The following GOLM1 variants were observed in gnomAD, a reference collection of about 807,000 sequenced individuals.
The protein encoded by GOLM1 is golgi membrane protein 1, also known as epididymis luminal protein 46.
GOLM1 carries 31 observed loss-of-function variants against 50.5 expected under a neutral mutation model. The observed-to-expected ratio is 0.61, with a 90% CI of 0.46 to 0.83. The LOEUF (loss-of-function observed/expected upper bound fraction) is 0.83, where lower values mean the gene tolerates loss of function less well. Among genes scored for constraint, GOLM1 ranks in the 40% least tolerant of loss-of-function variants. The probability of loss-of-function intolerance (pLI) is 0.00; values close to 1 mark genes in which losing one functional copy is unlikely to be tolerated. For synonymous variants in GOLM1, 178 were observed against 192.8 expected, an observed-to-expected ratio of 0.92 and a Z score of 0.64; for missense variants, 491 against 501.3, an observed-to-expected ratio of 0.98 and a Z score of 0.20.
At chr9:86,053,524 C>CCACATACCA (rs1833854755) in intron 3 of GOLM1, among the ~76,000 whole-genome samples, 1 of 63,596 alleles carries the variant, frequency 1.6e-5, no homozygotes, top group African/African-American at 4.9e-5. Flanking sequence ...ACACAACACA[C>CCACATACCA]CACTCCACAC....
At chr9:86,078,856 G>A (rs761284229) in intron 2 of GOLM1, among the ~76,000 whole-genome samples, 11 of 152,160 alleles carry the variant, frequency 7.2e-5, no homozygotes, top group Admixed American at 2.6e-4. Context: ...CCGGAGGACC[G>A]CAAACAACGG....
intron 1 of GOLM1, among the ~76,000 whole-genome samples, chr9:86,084,255 G>A (rs79606459): frequency 0.014 from 2,098 of 152,268 alleles, 38 homozygotes; most frequent in African/African-American, 0.045. Flanking sequence ...TATTGATAGA[G>A]CTTCTCTCTT....
At chr9:86,045,895 TATATTGTTTTTATGAGGAAAAA>T (rs1833523943) in intron 5 of GOLM1, among the ~76,000 whole-genome samples, 1 of 152,154 alleles carries the variant, frequency 6.6e-6, no homozygotes, top group South Asian at 2.1e-4. Context: ...ACACGTTAGC[TATATTGTTTTTATGAGGAAAAA>T]ATAAACACAA....
At chr9:86,051,672 G>C (rs2118726269) in intron 4 of GOLM1, among the ~76,000 whole-genome samples, 1 of 152,220 alleles carries the variant, frequency 6.6e-6, no homozygotes, top group South Asian at 2.1e-4. Flanking sequence ...TGTTGACTCT[G>C]GTGGAGTTAC....
At chr9:86,098,779 A>G (rs1048919043) in intron 1 of GOLM1, among the ~76,000 whole-genome samples, 1 of 152,246 alleles carries the variant, frequency 6.6e-6, no homozygotes, top group Non-Finnish European at 1.5e-5. Context: ...CAAAGGTGGA[A>G]ACACAGGTAT....
chr9:86,079,257 C>CT lies in GOLM1; in HGVS notation c.63_64insA (p.Val22SerfsTer61), dbSNP rs1459934400. ...AAGCCCAAGACGATGATGCAGGCCA[C>CT]CAGGGCGGCCAGCACGAGGGGCGGC... On this transcript the variant is annotated frameshift_variant, in exon 2 of 10. Transcript: ENST00000388712. LOFTEE classifies it high-confidence loss of function. 1 of 1,610,724 alleles carries CT rather than the reference C, an allele frequency of 6.2e-7. No homozygotes were observed. Among genetic ancestry groups the CT allele is most frequent in the Non-Finnish European group, 8.5e-7 (1 of 1,177,622 alleles).
chr9:86,061,472 C>T (rs1834157695), intron 3 of GOLM1, among the ~76,000 whole-genome samples: 1 of 152,032 alleles, frequency 6.6e-6, no homozygotes, highest in Admixed American at 6.6e-5. Context: ...TCGAAGCTCA[C>T]TAATGAGGAT....
chr9:86,072,640 T>C (rs1294442215), intron 3 of GOLM1, among the ~76,000 whole-genome samples: 1 of 152,250 alleles, frequency 6.6e-6, no homozygotes, highest in Non-Finnish European at 1.5e-5. Flanking sequence ...AAAACAAGCA[T>C]TAACTCAATT....
chr9:86,063,970 A>AAT (rs1448603831), intron 3 of GOLM1, among the ~76,000 whole-genome samples: 1 of 152,220 alleles, frequency 6.6e-6, no homozygotes, highest in East Asian at 1.9e-4. Flanking sequence ...TCCATGTGGA[A>AAT]CTTGTCCATG....
intron 3 of GOLM1, among the ~76,000 whole-genome samples, chr9:86,056,842 C>T (rs1324513629): frequency 6.6e-6 from 1 of 152,082 alleles, no homozygotes; most frequent in African/African-American, 2.4e-5. Flanking sequence ...ACTCTGTTGC[C>T]CAGGCTGCAG....
intron 7 of GOLM1, 118 bp from the exon 8 acceptor site, chr9:86,035,743 T>C: frequency 1.1e-6 from 1 of 879,294 alleles, no homozygotes. Flanking sequence ...GGAGTGGGGG[T>C]GGGGTGGGCT....
intron 9 of GOLM1, among the ~76,000 whole-genome samples, chr9:86,030,912 T>C (rs1306376208): frequency 6.6e-6 from 1 of 152,076 alleles, no homozygotes; most frequent in Non-Finnish European, 1.5e-5. Flanking sequence ...ATTGCCCAGA[T>C]GGTAATAAAA....
At chr9:86,032,292 C>T (rs1160417828) in intron 9 of GOLM1, among the ~76,000 whole-genome samples, 1 of 152,096 alleles carries the variant, frequency 6.6e-6, no homozygotes, top group Non-Finnish European at 1.5e-5. Context: ...CTCAGCCTCC[C>T]GAGTAGCTGG....
At chr9:86,054,430 G>C (rs555853546) in intron 3 of GOLM1, among the ~76,000 whole-genome samples, 2 of 152,118 alleles carry the variant, frequency 1.3e-5, no homozygotes, top group Non-Finnish European at 2.9e-5. Context: ...CACCATGTTG[G>C]CCAGGCTGGT....
intron 3 of GOLM1, among the ~76,000 whole-genome samples, chr9:86,053,461 A>AC (rs1564347226): frequency 8.2e-5 from 7 of 85,080 alleles, no homozygotes; most frequent in African/African-American, 1.4e-4. Flanking sequence ...AAACCACATC[A>AC]CACCACACCA....
chr9:86,050,039 C>T (rs558616462), intron 4 of GOLM1, among the ~76,000 whole-genome samples: 114 of 152,214 alleles, frequency 7.5e-4, no homozygotes, highest in African/African-American at 2.7e-3. Flanking sequence ...GAGATACGTC[C>T]CATCAATACC....
In GOLM1 at chr9:86,077,582, T is replaced by C. The variant is rs1834657209; in HGVS notation, c.139A>G (p.Met47Val). The C allele has an allele frequency of 1.2e-6, 2 of 1,612,922 alleles. No homozygotes were observed. The highest frequency in any genetic ancestry group is 1.7e-5 in the Admixed American group (1 of 60,010). The change falls in exon 3 of 10, where the codon ATG (methionine) becomes GTG (valine). Residue 47 changes from methionine to valine, a missense_variant. Transcript: ENST00000388712. ...SRSVDLQTRI[M>V]ELEGRVRRAA... ...CTGCGGACCCTGCCTTCCAGCTCCA[T>C]GATCCGTGTCTACAAGGAGACCGTG...
Position 86,026,754 on chromosome 9 carries a change from G to A in GOLM1, c.*1063C>T, listed in dbSNP as rs1301066909. ...TGTTATTGTGAATTAGGATTAAGTA[G>A]TAATTTTCAAAATTCACATTAACTT... On this transcript the variant is annotated 3_prime_UTR_variant, in exon 10 of 10. Coordinates refer to ENST00000388712, the MANE Select transcript of GOLM1 (RefSeq NM_016548.4). 3 of 982,478 alleles carry A rather than the reference G, an allele frequency of 3.1e-6. No homozygotes were observed. Among genetic ancestry groups the A allele is most frequent in the African/African-American group, 1.7e-5 (1 of 57,164 alleles). The allele number at this position is 982,478 out of a possible 1,614,324, so 60.9% of individuals were successfully genotyped here. A position where few individuals can be genotyped will look rare whatever the true frequency, so the allele number is the denominator to read the frequency against.
Position 86,035,593 on chromosome 9 carries a change from C to T in GOLM1, c.790G>A (p.Glu264Lys). The stretch of plus-strand genomic sequence containing the variant: ...TGCGGCAGCCTGTCCCTCTGAGGCT[C>T]CTCATTCACCACCTGGATCTCATTG... ...ETNEIQVVNE[E>K]PQRDRLPQEP... The change falls in exon 8 of 10, where the codon GAG (glutamate) becomes AAG (lysine). Residue 264 changes from glutamate (E) to lysine (K), a missense_variant. By Grantham distance (56) the Glu-to-Lys change is moderately conservative. Transcript: ENST00000388712. The T allele has an allele frequency of 1.2e-6, 2 of 1,604,534 alleles. No individual in the cohort carries two copies. Among genetic ancestry groups the T allele is most frequent in the Non-Finnish European group, 1.7e-6 (2 of 1,178,922 alleles).
Sources: allele counts gnomAD v4.1 joint callset (sites outside exome capture counted in the v4.1 genomes callset), GRCh38; gene constraint gnomAD v4.1.1; transcripts MANE v1.5; gene names NCBI Gene and HGNC (gene_info 2026-07-23, HGNC 2026-07-21).